ERC2: variants seen among roughly 807,000 people sequenced by gnomAD.
ERC2 encodes ERC protein 2.
Under a neutral mutation model 114.8 loss-of-function variants are expected in ERC2, and 42 were observed. The observed-to-expected ratio is 0.37, with a 90% CI of 0.29 to 0.47. The LOEUF (loss-of-function observed/expected upper bound fraction) is 0.47, where lower values mean the gene tolerates loss of function less well. ERC2 is among the 20% of genes least tolerant of loss of function. ERC2 has a pLI of 0.99. For missense variants in ERC2, 939 were observed against 1,150.7 expected (o/e 0.82, Z 2.66); for synonymous variants, 454 against 425.5 (o/e 1.07, Z -0.82).
chr3:56,212,665 G>A (rs113187667), intron 3 of ERC2, among the ~76,000 whole-genome samples: 392 of 152,200 alleles, frequency 2.6e-3, no homozygotes, highest in African/African-American at 9.0e-3. Flanking sequence ...CGTTTATAGC[G>A]GCACAATTTG....
chr3:55,695,300 T>C (rs1437033085), intron 16 of ERC2, among the ~76,000 whole-genome samples: 1 of 152,216 alleles, frequency 6.6e-6, no homozygotes, highest in Non-Finnish European at 1.5e-5. Flanking sequence ...TCTGCCCCCA[T>C]GGCCACTTCT....
At chr3:55,725,375 T>G (rs948185277) in intron 15 of ERC2, among the ~76,000 whole-genome samples, 8 of 152,224 alleles carry the variant, frequency 5.3e-5, no homozygotes, top group African/African-American at 1.9e-4. Flanking sequence ...GTATCATGGT[T>G]AAATAGGCAT....
intron 8 of ERC2, among the ~76,000 whole-genome samples, chr3:56,011,985 C>CAATT (rs1434671608): frequency 1.3e-5 from 2 of 152,012 alleles, no homozygotes; most frequent in Non-Finnish European, 2.9e-5. Context: ...TACTATTTTC[C>CAATT]AATTATTTAA....
At chr3:56,161,075 C>T (rs952989688) in intron 4 of ERC2, among the ~76,000 whole-genome samples, 4 of 152,174 alleles carry the variant, frequency 2.6e-5, no homozygotes, top group African/African-American at 9.7e-5. Context: ...ACACCATCCC[C>T]TTGCTGCTAA....
chr3:56,182,116 C>G (rs1187307242), intron 3 of ERC2, among the ~76,000 whole-genome samples: 1 of 152,196 alleles, frequency 6.6e-6, no homozygotes, highest in African/African-American at 2.4e-5. Context: ...AAATATATCA[C>G]AGGAAGGTCA....
At chr3:55,808,776 A>AT (rs2059603262) in intron 14 of ERC2, among the ~76,000 whole-genome samples, 2 of 137,082 alleles carry the variant, frequency 1.5e-5, no homozygotes, top group Non-Finnish European at 3.1e-5. Flanking sequence ...ATATATATAT[A>AT]ATTGTGAGAG....
chr3:56,043,760 T>C (rs1006013771), intron 7 of ERC2, among the ~76,000 whole-genome samples: 1 of 152,180 alleles, frequency 6.6e-6, no homozygotes, highest in Non-Finnish European at 1.5e-5. Context: ...CCTTTCATGG[T>C]TGCTTTGTTA....
intron 2 of ERC2, among the ~76,000 whole-genome samples, chr3:56,297,201 C>T (rs2055502345): frequency 6.8e-6 from 1 of 147,808 alleles, no homozygotes. Context: ...AAGAACTTAA[C>T]ACAAAGTACC....
chr3:55,719,376 C>T (rs768956146), intron 15 of ERC2, among the ~76,000 whole-genome samples: 1 of 152,174 alleles, frequency 6.6e-6, no homozygotes, highest in African/African-American at 2.4e-5. Context: ...AGATGTGCAG[C>T]TTCCCTCAAG....
chr3:56,218,645 T>C (rs2049673552), intron 3 of ERC2, among the ~76,000 whole-genome samples: 1 of 152,180 alleles, frequency 6.6e-6, no homozygotes, highest in African/African-American at 2.4e-5. Flanking sequence ...ACTGGGTATA[T>C]ACCTAAAGGA....
At chr3:56,179,463 G>A (rs1254691706) in intron 3 of ERC2, among the ~76,000 whole-genome samples, 2 of 152,192 alleles carry the variant, frequency 1.3e-5, no homozygotes, top group Non-Finnish European at 2.9e-5. Context: ...TTGTATTGCA[G>A]CATGGTTTCG....
chr3:55,808,358 C>T (rs1472586471), intron 14 of ERC2, among the ~76,000 whole-genome samples: 1 of 152,004 alleles, frequency 6.6e-6, no homozygotes, highest in Non-Finnish European at 1.5e-5. Flanking sequence ...CAAAAGTATC[C>T]CAGGCAGATC....
At chr3:55,979,534 C>A (rs949057250) in intron 12 of ERC2, among the ~76,000 whole-genome samples, 3 of 152,192 alleles carry the variant, frequency 2.0e-5, no homozygotes, top group African/African-American at 7.2e-5. Context: ...GAGAATCACA[C>A]ACTTTACACC....
chr3:56,317,404 A>G (rs2056916598), intron 2 of ERC2, among the ~76,000 whole-genome samples: 1 of 152,248 alleles, frequency 6.6e-6, no homozygotes, highest in Non-Finnish European at 1.5e-5. Context: ...ATACTCATCA[A>G]TAAAGGATCC....
At chr3:55,590,978 G>A (rs957290885) in intron 17 of ERC2, among the ~76,000 whole-genome samples, 14 of 151,972 alleles carry the variant, frequency 9.2e-5, no homozygotes, top group African/African-American at 2.9e-4. Context: ...ATATGCACCC[G>A]CCACCACGTC....
chr3:56,052,132 G>A (rs568858318), intron 7 of ERC2, among the ~76,000 whole-genome samples: 3 of 152,302 alleles, frequency 2.0e-5, no homozygotes, highest in Admixed American at 2.0e-4. Context: ...TAAAATCCCA[G>A]CATGTCTCCA....
intron 2 of ERC2, among the ~76,000 whole-genome samples, chr3:56,353,995 C>A (rs2058651545): frequency 6.6e-6 from 1 of 152,064 alleles, no homozygotes; most frequent in African/African-American, 2.4e-5. Flanking sequence ...CTAAGACACT[C>A]ACCCAAAGTC....
At chr3:56,203,146 T>G (rs1389162099) in intron 3 of ERC2, among the ~76,000 whole-genome samples, 1 of 152,206 alleles carries the variant, frequency 6.6e-6, no homozygotes, top group Non-Finnish European at 1.5e-5. Flanking sequence ...AGCTGAAACA[T>G]AAACCTCTTA....
intron 2 of ERC2, among the ~76,000 whole-genome samples, chr3:56,421,613 A>G (rs2061392234): frequency 6.6e-6 from 1 of 152,220 alleles, no homozygotes; most frequent in Non-Finnish European, 1.5e-5. Flanking sequence ...TTCATAAGAG[A>G]TATATAAAAA....
Sources: allele counts gnomAD v4.1 joint callset (sites outside exome capture counted in the v4.1 genomes callset), GRCh38; gene constraint gnomAD v4.1.1; transcripts MANE v1.5; gene names NCBI Gene and HGNC (gene_info 2026-07-23, HGNC 2026-07-21).